FOXP2: variants seen among roughly 807,000 people sequenced by gnomAD.
FOXP2 encodes the protein forkhead box P2, also known as forkhead box protein P2.
A neutral mutation model predicts 115.8 loss-of-function variants in FOXP2; 12 were observed. That is an observed-to-expected ratio of 0.10 (90% CI 0.07 to 0.17). The LOEUF (loss-of-function observed/expected upper bound fraction) is 0.17. FOXP2 is among the 10% of genes least tolerant of loss of function. The probability of loss-of-function intolerance (pLI) is 1.00; values close to 1 mark genes in which losing one functional copy is unlikely to be tolerated. For missense variants in FOXP2, 629 were observed against 843.5 expected (o/e 0.75, Z 3.15); for synonymous variants, 328 against 297.7 (o/e 1.10, Z -1.05).
chr7:114,574,420 GA>G (rs933779887), intron 3 of FOXP2, among the ~76,000 whole-genome samples: 65 of 148,954 alleles, frequency 4.4e-4, no homozygotes, highest in Admixed American at 1.5e-3. Context: ...AGTTTAATCT[GA>G]AAAAAAAAAT....
At chr7:114,609,215 A>C (rs1000276784) in intron 3 of FOXP2, among the ~76,000 whole-genome samples, 7 of 150,698 alleles carry the variant, frequency 4.6e-5, no homozygotes, top group Non-Finnish European at 8.9e-5. Context: ...TCTGTCTCAA[A>C]AAAAAAAAAA....
chr7:114,568,609 G>T (rs1447358391), intron 3 of FOXP2, among the ~76,000 whole-genome samples: 1 of 151,722 alleles, frequency 6.6e-6, no homozygotes, highest in South Asian at 2.1e-4. Flanking sequence ...ACATTCTCAC[G>T]GTGAAGCCTC....
intron 2 of FOXP2, among the ~76,000 whole-genome samples, chr7:114,361,740 A>G (rs1040951745): frequency 5.9e-5 from 9 of 152,126 alleles, no homozygotes; most frequent in Non-Finnish European, 1.0e-4. Flanking sequence ...TTTAAACATT[A>G]TTAAAAACTT....
In FOXP2 at chr7:114,691,819, T is replaced by G. The variant is rs2129355376; in HGVS notation, c.*1893T>G. 1 of 449,860 alleles carries G rather than the reference T, an allele frequency of 2.2e-6. No homozygotes were observed. The highest frequency in any genetic ancestry group is 7.0e-5 in the East Asian group (1 of 14,220). The allele number at this position is 449,860 out of a possible 1,614,324, so 27.9% of individuals were successfully genotyped here. A position where few individuals can be genotyped will look rare whatever the true frequency, so the allele number is the denominator to read the frequency against. On this transcript the variant is annotated 3_prime_UTR_variant, in exon 17 of 17. Coordinates refer to ENST00000350908, the MANE Select transcript of FOXP2 (RefSeq NM_014491.4). Reference sequence around the variant, plus strand: ...TTGATTCTTTGCTGAAGTCAGCAAATAGAGTTAGAGAGATACCCAGTCATC... The same window carrying G: ...TTGATTCTTTGCTGAAGTCAGCAAAGAGAGTTAGAGAGATACCCAGTCATC...
At chr7:114,673,516 G>C (rs2129346364) in intron 16 of FOXP2, among the ~76,000 whole-genome samples, 1 of 152,242 alleles carries the variant, frequency 6.6e-6, no homozygotes, top group East Asian at 1.9e-4. Context: ...TTGGGAGTGA[G>C]CCTAAATCAT....
intron 1 of FOXP2, among the ~76,000 whole-genome samples, chr7:114,102,497 C>T (rs541746388): frequency 6.6e-6 from 1 of 151,750 alleles, no homozygotes; most frequent in Non-Finnish European, 1.5e-5. Flanking sequence ...GCCTGTGTTC[C>T]AGAAAGGTTT....
chr7:114,318,710 C>T lies in FOXP2; in HGVS notation c.-11+30601C>T, dbSNP rs528132280. Among the ~76,000 whole-genome samples the T allele has an allele frequency of 2.0e-5, 3 of 147,422 alleles. No homozygotes were observed. In the East Asian group the frequency reaches 6.0e-4, roughly 29 times the overall value. ...AACTATTTTGAGGATTTAGATAATTCATATATATATATATATACACACACA... is the reference window on the plus strand; with the variant it reads ...AACTATTTTGAGGATTTAGATAATTTATATATATATATATATACACACACA... On this transcript the variant is annotated intron_variant, in intron 2 of 17. Coordinates refer to the FOXP2 transcript ENST00000634411.
chr7:114,251,957 T>C lies in FOXP2; in HGVS notation c.-101-36062T>C, dbSNP rs547569894. On this transcript the variant is annotated intron_variant, in intron 1 of 17. Coordinates refer to the FOXP2 transcript ENST00000634411. ...ATAAATAGCTTTCATTATTTTGAGATACATCCCATCAATACCTAATTTATT... is the reference window on the plus strand; with the variant it reads ...ATAAATAGCTTTCATTATTTTGAGACACATCCCATCAATACCTAATTTATT... Among the ~76,000 whole-genome samples, 150 of 152,328 alleles carry C rather than the reference T, an allele frequency of 9.8e-4. 3 individuals carry two copies. In the South Asian group the frequency reaches 0.03, roughly 31 times the overall value.
In FOXP2 at chr7:114,467,646, A is replaced by G. The variant is rs149197215; in HGVS notation, c.168+40967A>G. 1.5e-3 allele frequency among the ~76,000 whole-genome samples: 235 copies of G among 152,318 alleles called. 2 individuals are homozygous for G. The highest frequency in any genetic ancestry group is 5.2e-3 in the African/African-American group (215 of 41,588). On this transcript the variant is annotated intron_variant, in intron 2 of 16. Coordinates refer to ENST00000350908, the MANE Select transcript of FOXP2 (RefSeq NM_014491.4). ...CTGTCTGTTACAAACTGGCAGTCAC[A>G]TCGCATACCCTATTATAGTTAGTAC...
chr7:114,417,424 A>C (rs1221730344), intron 1 of FOXP2, among the ~76,000 whole-genome samples: 2 of 151,978 alleles, frequency 1.3e-5, no homozygotes, highest in African/African-American at 4.8e-5. Context: ...GTCAATTAGC[A>C]CTGTTCATTA....
intron 2 of FOXP2, among the ~76,000 whole-genome samples, chr7:114,293,755 C>T (rs1584614255): frequency 6.6e-6 from 1 of 152,208 alleles, no homozygotes; most frequent in East Asian, 1.9e-4. Flanking sequence ...GAAGTGCCTT[C>T]TGCCACTATT....
intron 2 of FOXP2, among the ~76,000 whole-genome samples, chr7:114,368,331 T>C (rs1255712317): frequency 6.6e-6 from 1 of 152,190 alleles, no homozygotes; most frequent in Non-Finnish European, 1.5e-5. Flanking sequence ...TATATGGCTT[T>C]TTTAAAAAAA....
intron 1 of FOXP2, among the ~76,000 whole-genome samples, chr7:114,131,127 G>A (rs188469625): frequency 2.2e-4 from 33 of 152,252 alleles, no homozygotes; most frequent in African/African-American, 5.3e-4. Context: ...CTTTTGTTCC[G>A]TGTGAAAGTA....
chr7:114,435,539 GTTGT>G (rs753372271), intron 2 of FOXP2, among the ~76,000 whole-genome samples: 1 of 152,030 alleles, frequency 6.6e-6, no homozygotes, highest in Non-Finnish European at 1.5e-5. Flanking sequence ...AAGTTAGTTT[GTTGT>G]TTGTTTGTTT....
chr7:114,344,833 A>G (rs757254214), intron 2 of FOXP2, among the ~76,000 whole-genome samples: 10 of 151,864 alleles, frequency 6.6e-5, no homozygotes, highest in Non-Finnish European at 1.5e-4. Flanking sequence ...ATGAGCAGAC[A>G]TAACAAAATG....
intron 3 of FOXP2, among the ~76,000 whole-genome samples, chr7:114,619,631 A>C (rs1414268360): frequency 2.0e-5 from 3 of 152,046 alleles, no homozygotes; most frequent in Admixed American, 1.3e-4. Context: ...TAAAATTTGC[A>C]GTAGTGGAAT....
At chr7:114,428,419 A>G (rs1181794035) in intron 2 of FOXP2, among the ~76,000 whole-genome samples, 2 of 151,624 alleles carry the variant, frequency 1.3e-5, no homozygotes, top group African/African-American at 2.4e-5. Context: ...TATGCAGTTC[A>G]TTATGTAAAC....
intron 2 of FOXP2, among the ~76,000 whole-genome samples, chr7:114,465,197 T>C (rs764060528): frequency 3.9e-5 from 6 of 152,006 alleles, no homozygotes; most frequent in Non-Finnish European, 7.4e-5. Context: ...ACTCCTGGGG[T>C]CAAGCAATCC....
intron 16 of FOXP2, among the ~76,000 whole-genome samples, chr7:114,675,799 A>G (rs893465046): frequency 6.6e-6 from 1 of 152,120 alleles, no homozygotes; most frequent in African/African-American, 2.4e-5. Flanking sequence ...GAAATAGTCT[A>G]TTTTGATATT....
Sources: gnomAD v4.1 joint callset for allele counts (sites outside exome capture counted in the v4.1 genomes callset) on GRCh38, gnomAD v4.1.1 for gene constraint, MANE v1.5 for transcripts, NCBI Gene and HGNC (gene_info 2026-07-23, HGNC 2026-07-21) for gene names.